Variants in CSMD1 observed in about 807,000 individuals in gnomAD.
The protein encoded by CSMD1 is CUB and sushi domain-containing protein 1.
CSMD1 carries 213 observed loss-of-function variants against 417.5 expected under a neutral mutation model. The ratio of observed to expected loss-of-function variants is 0.51; its 90% confidence interval spans 0.46 to 0.57. The LOEUF (loss-of-function observed/expected upper bound fraction) is 0.57. Ranked by LOEUF, CSMD1 falls within the 20% of genes least tolerant of loss-of-function variation. The pLI is 0.00. For missense variants in CSMD1, 6,923 were observed against 4,529.7 expected (o/e 1.53, Z -15.17); for synonymous variants, 2,862 against 1,736.8 (o/e 1.65, Z -16.11).
At chr8:3,022,442 C>G (rs1274118310) in intron 51 of CSMD1, among the ~76,000 whole-genome samples, 1 of 152,222 alleles carries the variant, frequency 6.6e-6, no homozygotes. Context: ...TCTCACTGTC[C>G]CTGGGGATTC....
At chr8:4,058,492 T>G (rs1182990923) in intron 3 of CSMD1, among the ~76,000 whole-genome samples, 1 of 152,188 alleles carries the variant, frequency 6.6e-6, no homozygotes, top group African/African-American at 2.4e-5. Context: ...AGGGACAATT[T>G]GCCTTCCTCT....
chr8:4,651,116 C>T (rs780941987), intron 1 of CSMD1, among the ~76,000 whole-genome samples: 7 of 151,778 alleles, frequency 4.6e-5, no homozygotes, highest in Non-Finnish European at 8.8e-5. Context: ...CGAATGGCAG[C>T]AAAAAGCTGA....
At chr8:3,454,547 G>T (rs182891600) in intron 12 of CSMD1, among the ~76,000 whole-genome samples, 1 of 152,118 alleles carries the variant, frequency 6.6e-6, no homozygotes, top group African/African-American at 2.4e-5. Context: ...GTCTGTAAAG[G>T]ATTTTATTTC....
At chr8:4,916,041 A>G (rs1462286080) in intron 1 of CSMD1, among the ~76,000 whole-genome samples, 1 of 152,144 alleles carries the variant, frequency 6.6e-6, no homozygotes, top group African/African-American at 2.4e-5. Context: ...AATACACTAG[A>G]TTTGCCCTGG....
intron 1 of CSMD1, among the ~76,000 whole-genome samples, chr8:4,966,118 C>T (rs1237464076): frequency 6.7e-6 from 1 of 149,666 alleles, no homozygotes; most frequent in Non-Finnish European, 1.5e-5. Flanking sequence ...AATCCCCGCA[C>T]TTTGGGAGGC....
At chr8:4,499,130 A>T (rs1802124906) in intron 2 of CSMD1, among the ~76,000 whole-genome samples, 1 of 152,218 alleles carries the variant, frequency 6.6e-6, no homozygotes, top group Non-Finnish European at 1.5e-5. Flanking sequence ...AGGGATTTAA[A>T]CCAAGATAAA....
chr8:3,238,287 G>A (rs1026215085), intron 26 of CSMD1, among the ~76,000 whole-genome samples: 5 of 152,042 alleles, frequency 3.3e-5, no homozygotes. Context: ...GCAGGAACAG[G>A]CCATTTTCAC....
At chr8:4,501,691 G>C (rs1802266225) in intron 2 of CSMD1, among the ~76,000 whole-genome samples, 1 of 152,158 alleles carries the variant, frequency 6.6e-6, no homozygotes. Context: ...TTGTCCAGTG[G>C]ATTCACACTA....
At chr8:3,019,118 A>T (rs1372879420) in intron 51 of CSMD1, among the ~76,000 whole-genome samples, 4 of 152,160 alleles carry the variant, frequency 2.6e-5, no homozygotes, top group Non-Finnish European at 4.4e-5. Context: ...GTGTTTTGCC[A>T]TGTTGGCCAG....
Position 2,965,815 on chromosome 8 carries a change from G to C in CSMD1, c.9240C>G (p.Thr3080=), listed in dbSNP as rs1377662020. The change falls in exon 59 of 70, where the codon ACC becomes ACG. Residue 3080 remains threonine, a synonymous_variant. Transcript: ENST00000635120. ...EAVTSATIRC[T]KDGRWNPSKP... The stretch of plus-strand genomic sequence containing the variant: ...TGCTCGGATTCCACCTGCCGTCTTT[G>C]GTACAGCGAATAGTGGCGGATGTGA... 1.9e-6 allele frequency: 3 copies of C among 1,610,656 alleles called. No homozygotes were observed. Among genetic ancestry groups the C allele is most frequent in the Non-Finnish European group, 2.5e-6 (3 of 1,178,476 alleles).
rs139672975 is a variant in CSMD1 at position 3,592,774 on chromosome 8, T to C, written c.1098-6514A>G. Among the ~76,000 whole-genome samples, 5 of 152,294 alleles carry C rather than the reference T, an allele frequency of 3.3e-5. No homozygotes were observed. The East Asian group carries it at 5.8e-4, about 18-fold the overall frequency. ...ACTAAAACTCTGAGGACTTTTGTCCTAGCACAGCACACGTTAAAAGTTACA... is the reference window on the plus strand; with the variant it reads ...ACTAAAACTCTGAGGACTTTTGTCCCAGCACAGCACACGTTAAAAGTTACA... On this transcript the variant is annotated intron_variant, in intron 8 of 69. Coordinates refer to ENST00000635120, the MANE Select transcript of CSMD1 (RefSeq NM_033225.6).
intron 2 of CSMD1, among the ~76,000 whole-genome samples, chr8:4,446,737 GTGTGTGTGTGTGTGTGTC>G (rs879914690): frequency 0.011 from 1,374 of 123,654 alleles, 13 homozygotes; most frequent in South Asian, 0.029. Context: ...GTGTGTCTGT[GTGTGTGTGTGTGTGTGTC>G]TGTGTGTGTG....
At chr8:3,154,318 G>C (rs1035902768) in intron 39 of CSMD1, among the ~76,000 whole-genome samples, 13 of 152,166 alleles carry the variant, frequency 8.5e-5, no homozygotes, top group Non-Finnish European at 4.4e-5. Context: ...TCTTAGATTG[G>C]TTCAGTGTCC....
At chr8:4,963,973 G>A (rs1249250474) in intron 1 of CSMD1, among the ~76,000 whole-genome samples, 1 of 151,938 alleles carries the variant, frequency 6.6e-6, no homozygotes, top group Non-Finnish European at 1.5e-5. Context: ...ATAACATATA[G>A]ATTGTCAAAT....
intron 3 of CSMD1, among the ~76,000 whole-genome samples, chr8:4,177,866 C>G (rs1012963665): frequency 1.3e-3 from 190 of 151,700 alleles, no homozygotes; most frequent in Admixed American, 2.0e-3. Context: ...TACACTCTCC[C>G]AAGACTAAAC....
intron 1 of CSMD1, among the ~76,000 whole-genome samples, chr8:4,875,481 C>T (rs1321947908): frequency 1.3e-5 from 2 of 151,962 alleles, no homozygotes; most frequent in African/African-American, 4.8e-5. Context: ...GGATGCAAAG[C>T]GTCTCACTTG....
At chr8:4,125,448 A>G (rs1233305327) in intron 3 of CSMD1, among the ~76,000 whole-genome samples, 2 of 152,176 alleles carry the variant, frequency 1.3e-5, no homozygotes, top group Non-Finnish European at 2.9e-5. Context: ...TTGATGTCCC[A>G]TGTCTCCCTA....
chr8:3,088,234 G>C (rs1585317070), intron 48 of CSMD1, among the ~76,000 whole-genome samples: 1 of 152,150 alleles, frequency 6.6e-6, no homozygotes, highest in East Asian at 1.9e-4. Context: ...TACACGTTTA[G>C]ACAAAGAAAC....
At chr8:4,547,333 C>G (rs183457806) in intron 2 of CSMD1, among the ~76,000 whole-genome samples, 1 of 152,200 alleles carries the variant, frequency 6.6e-6, no homozygotes, top group Non-Finnish European at 1.5e-5. Context: ...CAATTTTCCA[C>G]GTTGCCACAG....
Sources: allele counts gnomAD v4.1 joint callset (sites outside exome capture counted in the v4.1 genomes callset), GRCh38; gene constraint gnomAD v4.1.1; transcripts MANE v1.5; gene names NCBI Gene and HGNC (gene_info 2026-07-23, HGNC 2026-07-21).